The following RNF220 variants were observed in gnomAD, a reference collection of about 807,000 sequenced individuals.
RNF220 encodes the protein E3 ubiquitin-protein ligase RNF220.
RNF220 carries 7 observed loss-of-function variants against 67.1 expected under a neutral mutation model. The observed-to-expected ratio is 0.10, with a 90% CI of 0.06 to 0.20. The LOEUF (loss-of-function observed/expected upper bound fraction) is 0.20, where lower values mean the gene tolerates loss of function less well. Among genes scored for constraint, RNF220 ranks in the 10% least tolerant of loss-of-function variants. The pLI is 1.00. For missense variants in RNF220, 565 were observed against 740.3 expected (o/e 0.76, Z 2.75); for synonymous variants, 270 against 283.2 (o/e 0.95, Z 0.47).
chr1:44,581,093 G>A (rs190402443), intron 2 of RNF220, among the ~76,000 whole-genome samples: 1 of 152,342 alleles, frequency 6.6e-6, no homozygotes, highest in African/African-American at 2.4e-5. Context: ...GTGTCCGGAA[G>A]GACTGCCTGT....
intron 2 of RNF220, among the ~76,000 whole-genome samples, chr1:44,607,374 TATC>T (rs1461338439): frequency 6.6e-6 from 1 of 152,208 alleles, no homozygotes; most frequent in African/African-American, 2.4e-5. Flanking sequence ...GCACCCTCTC[TATC>T]ATCATACCTC....
At chr1:44,636,214 G>A in intron 8 of RNF220, 52 bp downstream of exon 8, 19 of 1,568,928 alleles carry the variant, frequency 1.2e-5, no homozygotes, top group Non-Finnish European at 1.6e-5. Context: ...GGCCTCTGCT[G>A]GGTATCCATC....
intron 1 of RNF220, among the ~76,000 whole-genome samples, chr1:44,410,876 C>A (rs574727930): frequency 6.6e-6 from 1 of 152,140 alleles, no homozygotes; most frequent in Admixed American, 6.5e-5. Context: ...GATATATAGC[C>A]CTTCTCCCAG....
At chr1:44,425,544 G>A (rs1425740041) in intron 2 of RNF220, among the ~76,000 whole-genome samples, 2 of 152,174 alleles carry the variant, frequency 1.3e-5, no homozygotes, top group East Asian at 1.9e-4. Context: ...TTACAAGTGG[G>A]AGGTGGTGAC....
chr1:44,472,134 C>T (rs1337591687), intron 2 of RNF220, among the ~76,000 whole-genome samples: 1 of 152,168 alleles, frequency 6.6e-6, no homozygotes, highest in African/African-American at 2.4e-5. Flanking sequence ...TGGAATGGAT[C>T]TTGTTTCCAC....
At chr1:44,524,275 A>G (rs1303374056) in intron 2 of RNF220, among the ~76,000 whole-genome samples, 1 of 152,222 alleles carries the variant, frequency 6.6e-6, no homozygotes, top group African/African-American at 2.4e-5. Flanking sequence ...TGCTGGCCAG[A>G]TAATTAGTCC....
At chr1:44,440,739 AAGAAC>A (rs772875838) in intron 2 of RNF220, among the ~76,000 whole-genome samples, 1 of 152,332 alleles carries the variant, frequency 6.6e-6, no homozygotes, top group African/African-American at 2.4e-5. Flanking sequence ...AATTCTGACT[AAGAAC>A]AGACACCTTC....
chr1:44,585,076 T>C (rs928901635), intron 2 of RNF220, among the ~76,000 whole-genome samples: 1 of 152,194 alleles, frequency 6.6e-6, no homozygotes, highest in Non-Finnish European at 1.5e-5. Context: ...GAAGCCCAAA[T>C]GTCTACCCAC....
chr1:44,544,592 C>T (rs777440360), intron 2 of RNF220, among the ~76,000 whole-genome samples: 1 of 152,220 alleles, frequency 6.6e-6, no homozygotes, highest in Non-Finnish European at 1.5e-5. Context: ...TGACTGAGGG[C>T]TCTATAGAAC....
intron 2 of RNF220, among the ~76,000 whole-genome samples, chr1:44,446,808 C>G (rs563152351): frequency 6.6e-6 from 1 of 152,272 alleles, no homozygotes; most frequent in Non-Finnish European, 1.5e-5. Flanking sequence ...CTGCCCACCT[C>G]GGCCTCCCAA....
At chr1:44,537,559 C>T (rs942036968) in intron 2 of RNF220, among the ~76,000 whole-genome samples, 3 of 152,184 alleles carry the variant, frequency 2.0e-5, no homozygotes, top group African/African-American at 4.8e-5. Context: ...ATTTGCCTTT[C>T]GTTACCCTAG....
chr1:44,516,412 A>T (rs1436351395), intron 2 of RNF220, among the ~76,000 whole-genome samples: 2 of 152,258 alleles, frequency 1.3e-5, no homozygotes, highest in Non-Finnish European at 2.9e-5. Flanking sequence ...GAAGTTTGCT[A>T]CGCAGCCAAA....
intron 3 of RNF220, among the ~76,000 whole-genome samples, chr1:44,619,495 G>T (rs1643703929): frequency 6.6e-6 from 1 of 152,194 alleles, no homozygotes; most frequent in Non-Finnish European, 1.5e-5. Flanking sequence ...AAAGGCGGCT[G>T]GTGATGATGG....
At chr1:44,504,942 C>A (rs1195629354) in intron 2 of RNF220, among the ~76,000 whole-genome samples, 1 of 152,104 alleles carries the variant, frequency 6.6e-6, no homozygotes, top group African/African-American at 2.4e-5. Context: ...CTGGTTCTGA[C>A]CTGTAAAAGT....
intron 2 of RNF220, among the ~76,000 whole-genome samples, chr1:44,461,368 A>C (rs978563949): frequency 6.6e-6 from 1 of 152,154 alleles, no homozygotes; most frequent in Non-Finnish European, 1.5e-5. Context: ...ACATTTTTTC[A>C]TGTTGCAAAA....
intron 2 of RNF220, among the ~76,000 whole-genome samples, chr1:44,508,817 T>C (rs1658681935): frequency 6.6e-6 from 1 of 152,246 alleles, no homozygotes. Flanking sequence ...TGACTGTTTG[T>C]ACCTGAAGAA....
chr1:44,590,809 A>G (rs1666063571), intron 2 of RNF220, among the ~76,000 whole-genome samples: 1 of 152,194 alleles, frequency 6.6e-6, no homozygotes, highest in South Asian at 2.1e-4. Context: ...TGTAATCACA[A>G]TTAGGGAAGT....
chr1:44,527,311 C>G (rs1242884017), intron 2 of RNF220, among the ~76,000 whole-genome samples: 1 of 152,034 alleles, frequency 6.6e-6, no homozygotes, highest in Non-Finnish European at 1.5e-5. Context: ...CTAGTTTGAC[C>G]TAGAGTCTTC....
intron 8 of RNF220, among the ~76,000 whole-genome samples, chr1:44,642,736 A>C (rs1644523830): frequency 6.6e-6 from 1 of 152,072 alleles, no homozygotes; most frequent in Admixed American, 6.6e-5. Flanking sequence ...TTTGCCATGG[A>C]GCCATATTGG....
Sources: gnomAD v4.1 joint callset for allele counts (sites outside exome capture counted in the v4.1 genomes callset) on GRCh38, gnomAD v4.1.1 for gene constraint, MANE v1.5 for transcripts, NCBI Gene and HGNC (gene_info 2026-07-23, HGNC 2026-07-21) for gene names.